Variants in EEPD1 observed in about 807,000 individuals in gnomAD.
EEPD1 encodes the protein endonuclease/exonuclease/phosphatase family domain-containing protein 1.
EEPD1 carries 17 observed loss-of-function variants against 46.3 expected under a neutral mutation model. The ratio of observed to expected loss-of-function variants is 0.37; its 90% confidence interval spans 0.25 to 0.55. The LOEUF (loss-of-function observed/expected upper bound fraction) is 0.55. EEPD1 is among the 20% of genes least tolerant of loss of function. The pLI, the probability that EEPD1 is intolerant of heterozygous loss-of-function variation, is 0.83. For synonymous variants in EEPD1, 313 were observed against 315.6 expected, an observed-to-expected ratio of 0.99 and a Z score of 0.09; for missense variants, 673 against 745.6, an observed-to-expected ratio of 0.90 and a Z score of 1.13.
At position 36,300,606 on chromosome 7, in the gene EEPD1, A is replaced by G. The variant is rs965011101; in HGVS notation, c.*1400A>G. 3 of 152,212 alleles carry G rather than the reference A, an allele frequency of 2.0e-5. No individual in the cohort carries two copies. The highest frequency in any genetic ancestry group is 4.8e-5 in the African/African-American group (2 of 41,428). The allele number at this position is 152,212 out of a possible 1,614,324, so 9.4% of individuals were successfully genotyped here. On this transcript the variant is annotated 3_prime_UTR_variant, in exon 8 of 8. Transcript: ENST00000242108. ...TATTCCGCTTTCCACACCGAACACT[A>G]AATGTGGACCAGTATCAAGAACCCT... is the stretch of plus-strand genomic sequence containing the variant.
At chr7:36,278,862 C>G (rs894930785) in intron 3 of EEPD1, among the ~76,000 whole-genome samples, 1 of 152,214 alleles carries the variant, frequency 6.6e-6, no homozygotes, top group African/African-American at 2.4e-5. Context: ...ACCCCACCCT[C>G]TCCGCCTTCC....
chr7:36,244,381 T>C (rs1230808473), intron 3 of EEPD1, among the ~76,000 whole-genome samples: 2 of 152,228 alleles, frequency 1.3e-5, no homozygotes, highest in East Asian at 1.9e-4. Flanking sequence ...AAACCTAATA[T>C]AAAAAGCTAA....
Position 36,301,467 on chromosome 7 carries a change from C to T in EEPD1, c.*2261C>T, listed in dbSNP as rs1787621034. On this transcript the variant is annotated 3_prime_UTR_variant, in exon 8 of 8. Coordinates refer to ENST00000242108, the MANE Select transcript of EEPD1 (RefSeq NM_030636.3). The stretch of plus-strand genomic sequence containing the variant: ...GCATTAGCATGGCACTTTGTTACAA[C>T]TGATGAACTTGTATTCATTATTAGC... 1 of 152,222 alleles carries T rather than the reference C, an allele frequency of 6.6e-6. No individual in the cohort carries two copies. Among genetic ancestry groups the T allele is most frequent in the Non-Finnish European group, 1.5e-5 (1 of 68,036 alleles). 9.4% of individuals were successfully genotyped at this position (152,222 alleles called of 1,614,324 possible).
chr7:36,232,577 A>G (rs1703137602), intron 2 of EEPD1, among the ~76,000 whole-genome samples: 1 of 150,378 alleles, frequency 6.6e-6, no homozygotes, highest in Non-Finnish European at 1.5e-5. Context: ...AATGCATAAT[A>G]CTATTTGGTA....
At chr7:36,178,576 G>A (rs1273692260) in intron 2 of EEPD1, among the ~76,000 whole-genome samples, 2 of 152,190 alleles carry the variant, frequency 1.3e-5, no homozygotes, top group Non-Finnish European at 2.9e-5. Flanking sequence ...GCCAACCCTT[G>A]CTCTTCCTTT....
chr7:36,248,860 A>G (rs866132306), intron 3 of EEPD1, among the ~76,000 whole-genome samples: 2 of 152,050 alleles, frequency 1.3e-5, no homozygotes, highest in Non-Finnish European at 2.9e-5. Flanking sequence ...ATGGAGTCTA[A>G]CTCAGGCTCA....
chr7:36,204,419 TGAGGAGGAG>T (rs34611930), intron 2 of EEPD1, among the ~76,000 whole-genome samples: 1 of 152,050 alleles, frequency 6.6e-6, no homozygotes, highest in Non-Finnish European at 1.5e-5. Flanking sequence ...GCAATGATGA[TGAGGAGGAG>T]GAGGAGAAGG....
rs1787589188 is a variant in EEPD1 at position 36,299,803 on chromosome 7, T to A, written c.*597T>A. The A allele has an allele frequency of 9.1e-6, 1 of 110,344 alleles. No individual in the cohort carries two copies. The highest frequency in any genetic ancestry group is 3.7e-5 in the African/African-American group (1 of 27,286). 6.8% of individuals were successfully genotyped at this position (110,344 alleles called of 1,614,324 possible). A position where few individuals can be genotyped will look rare whatever the true frequency, so the allele number is the denominator to read the frequency against. On this transcript the variant is annotated 3_prime_UTR_variant, in exon 8 of 8. Coordinates refer to ENST00000242108, the MANE Select transcript of EEPD1 (RefSeq NM_030636.3). Reference sequence around the variant, plus strand: ...TTCCCCCGCCCCCCAACGCGCAGTGTGTATTTGCACCACGGCAGGTGCCTC... The same window carrying A: ...TTCCCCCGCCCCCCAACGCGCAGTGAGTATTTGCACCACGGCAGGTGCCTC...
intron 3 of EEPD1, among the ~76,000 whole-genome samples, chr7:36,280,420 G>A (rs182864280): frequency 1.0e-3 from 154 of 152,334 alleles, no homozygotes; most frequent in African/African-American, 3.3e-3. Context: ...GACCCCAAGA[G>A]AAGGGGTTGT....
intron 2 of EEPD1, among the ~76,000 whole-genome samples, chr7:36,155,458 A>G (rs908042726): frequency 1.3e-5 from 2 of 152,166 alleles, no homozygotes; most frequent in Non-Finnish European, 2.9e-5. Flanking sequence ...TTTTGGGGTA[A>G]GCAGAGGTTG....
chr7:36,197,086 CG>C (rs1785613297), intron 2 of EEPD1, among the ~76,000 whole-genome samples: 1 of 146,386 alleles, frequency 6.8e-6, no homozygotes, highest in Non-Finnish European at 1.5e-5. Flanking sequence ...AGGTGAGGAG[CG>C]TCTCTGCCCG....
chr7:36,258,660 G>A (rs1255279231), intron 3 of EEPD1, among the ~76,000 whole-genome samples: 1 of 152,008 alleles, frequency 6.6e-6, no homozygotes, highest in African/African-American at 2.4e-5. Flanking sequence ...CAGTAATGAC[G>A]GACGCCCCTC....
intron 3 of EEPD1, among the ~76,000 whole-genome samples, chr7:36,273,617 T>G (rs1464568551): frequency 6.6e-6 from 1 of 152,244 alleles, no homozygotes; most frequent in East Asian, 1.9e-4. Flanking sequence ...GAGACTCATA[T>G]TTCCTCTCTC....
chr7:36,246,660 A>G (rs1226782730), intron 3 of EEPD1, among the ~76,000 whole-genome samples: 1 of 152,162 alleles, frequency 6.6e-6, no homozygotes, highest in Non-Finnish European at 1.5e-5. Flanking sequence ...GTCTAGGAAA[A>G]GATGCCTGTC....
At chr7:36,197,638 A>G (rs1252623960) in intron 2 of EEPD1, among the ~76,000 whole-genome samples, 1 of 152,192 alleles carries the variant, frequency 6.6e-6, no homozygotes, top group African/African-American at 2.4e-5. Context: ...TCTCTGAAAC[A>G]TGTGCTGTGT....
chr7:36,281,175 G>T lies in EEPD1; in HGVS notation c.991G>T (p.Gly331Ter). 1 of 1,614,168 alleles carries T rather than the reference G, an allele frequency of 6.2e-7. No homozygotes were observed. Among genetic ancestry groups the T allele is most frequent in the Non-Finnish European group, 8.5e-7 (1 of 1,180,046 alleles). ...CATCCGCAAGTGGAAGGGGCCCCGG[G>T]GATGCTGGAAGGCTGTTGTTGCTGA... ...PNIRKWKGPR[G>*]CWKAVVAEKP... The change falls in exon 4 of 8, where the codon GGA (glycine) becomes TGA (stop). Residue 331 changes from glycine (G) to a stop codon, truncating the protein, a stop_gained. Transcript: ENST00000242108. LOFTEE classifies it high-confidence loss of function.
chr7:36,234,622 A>G (rs1786396278), intron 2 of EEPD1, among the ~76,000 whole-genome samples: 1 of 151,928 alleles, frequency 6.6e-6, no homozygotes, highest in Admixed American at 6.6e-5. Flanking sequence ...CAGTGAGCCA[A>G]GATGGTGCCA....
At chr7:36,230,015 G>A (rs1322621194) in intron 2 of EEPD1, among the ~76,000 whole-genome samples, 2 of 152,020 alleles carry the variant, frequency 1.3e-5, no homozygotes, top group Non-Finnish European at 2.9e-5. Flanking sequence ...GAACCCCAGT[G>A]TATCCAAGAC....
chr7:36,281,749 T>G (rs1375630531), intron 4 of EEPD1, among the ~76,000 whole-genome samples: 1 of 152,218 alleles, frequency 6.6e-6, no homozygotes, highest in Non-Finnish European at 1.5e-5. Flanking sequence ...AAATACACGT[T>G]TTCCCTCATA....
Sources: gnomAD v4.1 joint callset for allele counts (sites outside exome capture counted in the v4.1 genomes callset) on GRCh38, gnomAD v4.1.1 for gene constraint, MANE v1.5 for transcripts, NCBI Gene and HGNC (gene_info 2026-07-23, HGNC 2026-07-21) for gene names.